The following TMEM135 variants were observed in gnomAD, a reference collection of about 807,000 sequenced individuals.
TMEM135 encodes peroxisomal membrane protein 52.
In TMEM135, 30 loss-of-function variants were observed where a neutral mutation model predicts 60.3. That is an observed-to-expected ratio of 0.50 (90% CI 0.37 to 0.68). The LOEUF is 0.68. TMEM135 is among the 30% of genes least tolerant of loss of function. The pLI is 0.00. For synonymous variants in TMEM135, 190 were observed against 186.7 expected, an observed-to-expected ratio of 1.02 and a Z score of -0.14; for missense variants, 468 against 548.8, an observed-to-expected ratio of 0.85 and a Z score of 1.47.
rs894044242 is a variant in TMEM135 at position 87,270,958 on chromosome 11, C to T, written c.510-24824C>T. ...ACAGATTGCTGTGTATTTTCTCTCACAAGCTTTTTTTTTTAGAAACTTTTT... is the reference window on the plus strand; with the variant it reads ...ACAGATTGCTGTGTATTTTCTCTCATAAGCTTTTTTTTTTAGAAACTTTTT... On this transcript the variant is annotated intron_variant, in intron 6 of 14. Transcript: ENST00000305494. Among the ~76,000 whole-genome samples, 10 of 131,554 alleles carry T rather than the reference C, an allele frequency of 7.6e-5. No individual in the cohort carries two copies. In the East Asian group the frequency reaches 1.8e-3, roughly 23 times the overall value. 86.3% of individuals were successfully genotyped at this position (131,554 alleles called of 152,430 possible).
At chr11:87,272,635 A>AT in intron 6 of TMEM135, among the ~76,000 whole-genome samples, 1 of 127,566 alleles carries the variant, frequency 7.8e-6, no homozygotes, top group African/African-American at 2.7e-5. Context: ...TAACTTAAAA[A>AT]ATTTTTTTGT....
At chr11:87,299,440 C>T (rs879908169) in intron 7 of TMEM135, among the ~76,000 whole-genome samples, 1 of 152,160 alleles carries the variant, frequency 6.6e-6, no homozygotes, top group South Asian at 2.1e-4. Flanking sequence ...CCCCATGATC[C>T]AATCACCCCC....
intron 4 of TMEM135, among the ~76,000 whole-genome samples, chr11:87,107,950 C>T (rs565570972): frequency 2.0e-5 from 3 of 152,240 alleles, no homozygotes; most frequent in South Asian, 2.1e-4. Flanking sequence ...GAATGATGGC[C>T]ATTCTAACTG....
At chr11:87,078,406 A>T (rs1201083930) in intron 3 of TMEM135, among the ~76,000 whole-genome samples, 1 of 152,118 alleles carries the variant, frequency 6.6e-6, no homozygotes, top group African/African-American at 2.4e-5. Context: ...TCCTTTGCCC[A>T]TGTTTTAATT....
At chr11:87,153,760 A>G (rs1265356000) in intron 4 of TMEM135, among the ~76,000 whole-genome samples, 4 of 152,186 alleles carry the variant, frequency 2.6e-5, no homozygotes, top group African/African-American at 9.7e-5. Flanking sequence ...TGCCCTTTAC[A>G]GTGCTTATGA....
At chr11:87,061,861 T>A (rs2135128874) in intron 1 of TMEM135, among the ~76,000 whole-genome samples, 2 of 152,350 alleles carry the variant, frequency 1.3e-5, no homozygotes, top group South Asian at 4.1e-4. Context: ...CCTGACCTTA[T>A]AATTTTGTAT....
At chr11:87,304,288 T>C (rs1393210761) in intron 8 of TMEM135, among the ~76,000 whole-genome samples, 1 of 152,154 alleles carries the variant, frequency 6.6e-6, no homozygotes, top group Non-Finnish European at 1.5e-5. Flanking sequence ...GGAGGATTGC[T>C]TGAGTCTAGG....
chr11:87,203,897 C>T lies in TMEM135; in HGVS notation c.463-32741C>T, dbSNP rs193174298. ...TGCTGCCAGTGTTCTGAATTATGGCCGTTCTAATAAGTGTGTATTGGTATC... is the reference window on the plus strand; with the variant it reads ...TGCTGCCAGTGTTCTGAATTATGGCTGTTCTAATAAGTGTGTATTGGTATC... On this transcript the variant is annotated intron_variant, in intron 5 of 14. Coordinates refer to ENST00000305494, the MANE Select transcript of TMEM135 (RefSeq NM_022918.4). Among the ~76,000 whole-genome samples the T allele has an allele frequency of 1.1e-4, 17 of 152,198 alleles. No individual in the cohort carries two copies. In the South Asian group the frequency reaches 2.7e-3, roughly 24 times the overall value.
At chr11:87,053,259 G>C (rs1590981100) in intron 1 of TMEM135, among the ~76,000 whole-genome samples, 1 of 147,092 alleles carries the variant, frequency 6.8e-6, no homozygotes, top group African/African-American at 2.5e-5. Flanking sequence ...ATGACTTTGA[G>C]AAAAAAATTC....
rs1234849674 is a variant in TMEM135 at position 87,327,226 on chromosome 11, T to G, written c.*5893T>G. 3 of 454,116 alleles carry G rather than the reference T, an allele frequency of 6.6e-6. No individual in the cohort carries two copies. The highest frequency in any genetic ancestry group is 4.7e-5 in the South Asian group (3 of 64,478). 28.1% of individuals were successfully genotyped at this position (454,116 alleles called of 1,614,324 possible). A position where few individuals can be genotyped will look rare whatever the true frequency, so the allele number is the denominator to read the frequency against. On this transcript the variant is annotated 3_prime_UTR_variant, in exon 15 of 15. Coordinates refer to ENST00000305494, the MANE Select transcript of TMEM135 (RefSeq NM_022918.4). ...AAACACTTGGGAAAAATCTTCCCTC[T>G]CTGCTTAAAGGAAAGTTCTTTTTAC...
chr11:87,168,621 G>A (rs1939135896), intron 5 of TMEM135, among the ~76,000 whole-genome samples: 1 of 152,172 alleles, frequency 6.6e-6, no homozygotes, highest in Admixed American at 6.5e-5. Flanking sequence ...GGTTTTAAGG[G>A]AGTTTCTTAA....
At chr11:87,238,051 T>A (rs571048800) in intron 6 of TMEM135, among the ~76,000 whole-genome samples, 26 of 152,148 alleles carry the variant, frequency 1.7e-4, no homozygotes, top group African/African-American at 6.0e-4. Flanking sequence ...CATATTTTAT[T>A]TATTTATTCA....
intron 5 of TMEM135, among the ~76,000 whole-genome samples, chr11:87,180,448 G>T (rs897204584): frequency 7.2e-5 from 11 of 152,222 alleles, no homozygotes; most frequent in Admixed American, 7.2e-4. Flanking sequence ...TGTAGCCAGA[G>T]AATTAAGATA....
chr11:87,159,150 G>T (rs910936282), intron 5 of TMEM135, among the ~76,000 whole-genome samples: 1 of 152,096 alleles, frequency 6.6e-6, no homozygotes, highest in Non-Finnish European at 1.5e-5. Flanking sequence ...ATTAGGTGTT[G>T]TTCCATGTGG....
chr11:87,168,270 G>T (rs948802502), intron 5 of TMEM135, among the ~76,000 whole-genome samples: 6 of 152,090 alleles, frequency 3.9e-5, no homozygotes, highest in African/African-American at 1.2e-4. Flanking sequence ...TGGATTCATT[G>T]ATTTTTCGAA....
intron 5 of TMEM135, among the ~76,000 whole-genome samples, chr11:87,192,544 C>G (rs17149818): frequency 0.066 from 9,975 of 151,932 alleles, 347 homozygotes; most frequent in African/African-American, 0.087. Context: ...TTTTTGAAGG[C>G]AATTAGGTAA....
intron 3 of TMEM135, among the ~76,000 whole-genome samples, chr11:87,076,308 GCAC>G (rs1856871268): frequency 6.6e-6 from 1 of 152,126 alleles, no homozygotes; most frequent in Admixed American, 6.5e-5. Flanking sequence ...CTCCATGTGG[GCAC>G]CACCACCACC....
In TMEM135 at chr11:87,248,657, C is replaced by T. The variant is rs539564804; in HGVS notation, c.509+11973C>T. Reference sequence around the variant, plus strand: ...TTTTTTCTATTTCTATGAAGACTGTCATTGACATTTTGATCAGATTGTACT... The same window carrying T: ...TTTTTTCTATTTCTATGAAGACTGTTATTGACATTTTGATCAGATTGTACT... On this transcript the variant is annotated intron_variant, in intron 6 of 14. Transcript: ENST00000305494. Among the ~76,000 whole-genome samples, 4 of 151,498 alleles carry T rather than the reference C, an allele frequency of 2.6e-5. No individual in the cohort carries two copies. The East Asian group carries it at 5.8e-4, about 22-fold the overall frequency.
chr11:87,091,325 T>C (rs371041672), intron 3 of TMEM135, 37 bp from the exon 4 acceptor site: 8 of 1,580,808 alleles, frequency 5.1e-6, no homozygotes, highest in Admixed American at 5.0e-5. Flanking sequence ...CTAAGTCAAA[T>C]TGAAGTTTAA....
Sources: allele counts gnomAD v4.1 joint callset (sites outside exome capture counted in the v4.1 genomes callset), GRCh38; gene constraint gnomAD v4.1.1; transcripts MANE v1.5; gene names NCBI Gene and HGNC (gene_info 2026-07-23, HGNC 2026-07-21).